Variants in KSR2 observed in about 807,000 individuals in gnomAD.
The protein encoded by KSR2 is kinase suppressor of ras 2.
In KSR2, 25 loss-of-function variants were observed where a neutral mutation model predicts 107.8. The ratio of observed to expected loss-of-function variants is 0.23; its 90% confidence interval spans 0.17 to 0.32. The LOEUF is 0.32. Among genes scored for constraint, KSR2 ranks in the 10% least tolerant of loss-of-function variants. The probability of loss-of-function intolerance (pLI) is 1.00; values close to 1 mark genes in which losing one functional copy is unlikely to be tolerated. For synonymous variants in KSR2, 480 were observed against 507.0 expected, an observed-to-expected ratio of 0.95 and a Z score of 0.71; for missense variants, 887 against 1,268.9, an observed-to-expected ratio of 0.70 and a Z score of 4.57.
chr12:117,523,920 C>T (rs1006778807), intron 14 of KSR2, among the ~76,000 whole-genome samples: 4 of 151,752 alleles, frequency 2.6e-5, no homozygotes, highest in South Asian at 2.1e-4. Context: ...TGCAGTGAGC[C>T]GAGATCACAC....
chr12:117,679,146 C>T (rs971660702), intron 4 of KSR2, among the ~76,000 whole-genome samples: 4 of 152,302 alleles, frequency 2.6e-5, no homozygotes, highest in Non-Finnish European at 5.9e-5. Flanking sequence ...GTCTTCTCTC[C>T]ATGTATCCTT....
chr12:117,655,466 G>A (rs1025388678), intron 5 of KSR2, among the ~76,000 whole-genome samples: 2 of 152,184 alleles, frequency 1.3e-5, no homozygotes, highest in South Asian at 2.1e-4. Context: ...CTAGAAGGCC[G>A]TGTATGCTCT....
At chr12:117,952,983 T>G in intron 1 of KSR2, among the ~76,000 whole-genome samples, 1 of 21,740 alleles carries the variant, frequency 4.6e-5, no homozygotes, top group Non-Finnish European at 9.8e-5. Context: ...AGACTCCATC[T>G]CAAAAAAAAA....
chr12:117,851,672 C>A (rs1892929818), intron 3 of KSR2, among the ~76,000 whole-genome samples: 2 of 152,074 alleles, frequency 1.3e-5, no homozygotes, highest in Admixed American at 1.3e-4. Flanking sequence ...GGATGGATCA[C>A]CTGAGGTCAG....
chr12:117,772,036 A>C (rs1319227498), intron 3 of KSR2, among the ~76,000 whole-genome samples: 39 of 131,770 alleles, frequency 3.0e-4, no homozygotes, highest in East Asian at 7.2e-4. Context: ...ACACCATTCC[A>C]CCAAAGACGC....
At chr12:117,640,866 G>A (rs1035369374) in intron 5 of KSR2, among the ~76,000 whole-genome samples, 3 of 152,168 alleles carry the variant, frequency 2.0e-5, no homozygotes, top group Non-Finnish European at 4.4e-5. Flanking sequence ...CAGCTGAGAA[G>A]AGCTCATGTC....
At chr12:117,918,000 G>A (rs1472418590) in intron 1 of KSR2, among the ~76,000 whole-genome samples, 1 of 152,170 alleles carries the variant, frequency 6.6e-6, no homozygotes, top group Non-Finnish European at 1.5e-5. Context: ...ACTCAGTAGT[G>A]GCTGTCTCCA....
chr12:117,493,155 T>C (rs896986430), intron 14 of KSR2, among the ~76,000 whole-genome samples: 7 of 152,196 alleles, frequency 4.6e-5, no homozygotes, highest in Non-Finnish European at 2.9e-5. Context: ...CTTCACCAGC[T>C]GCTCATATTA....
At chr12:117,848,826 ATG>A (rs1892803113) in intron 3 of KSR2, among the ~76,000 whole-genome samples, 1 of 128,064 alleles carries the variant, frequency 7.8e-6, no homozygotes, top group East Asian at 2.2e-4. Flanking sequence ...GTGGGTGGTG[ATG>A]GTGGTAGTGG....
At chr12:117,833,354 T>C (rs1042068678) in intron 3 of KSR2, among the ~76,000 whole-genome samples, 2 of 152,062 alleles carry the variant, frequency 1.3e-5, no homozygotes, top group Non-Finnish European at 2.9e-5. Context: ...AGGAGTGCAT[T>C]TGGGGGTGGG....
chr12:117,817,184 T>A (rs970572690), intron 3 of KSR2, among the ~76,000 whole-genome samples: 1 of 152,194 alleles, frequency 6.6e-6, no homozygotes, highest in African/African-American at 2.4e-5. Context: ...ATTTAAGGAC[T>A]GTTACAGCCT....
At chr12:117,643,116 A>G (rs1251636004) in intron 5 of KSR2, among the ~76,000 whole-genome samples, 1 of 152,202 alleles carries the variant, frequency 6.6e-6, no homozygotes, top group Non-Finnish European at 1.5e-5. Flanking sequence ...ACCTAGAGTT[A>G]GCAACTTTTC....
intron 1 of KSR2, among the ~76,000 whole-genome samples, chr12:117,875,290 C>G (rs988775098): frequency 1.3e-5 from 2 of 151,546 alleles, no homozygotes; most frequent in Non-Finnish European, 2.9e-5. Context: ...ACGTCCTGGC[C>G]GTTGGGTTTG....
chr12:117,849,653 T>C (rs1178575267), intron 3 of KSR2, among the ~76,000 whole-genome samples: 1 of 152,150 alleles, frequency 6.6e-6, no homozygotes, highest in African/African-American at 2.4e-5. Context: ...AAAACTAAGA[T>C]TAGCATTAAC....
intron 5 of KSR2, among the ~76,000 whole-genome samples, chr12:117,655,235 C>T (rs1884094428): frequency 6.6e-6 from 1 of 152,228 alleles, no homozygotes; most frequent in Non-Finnish European, 1.5e-5. Flanking sequence ...GGCTTATCCA[C>T]CACCATCATG....
intron 5 of KSR2, among the ~76,000 whole-genome samples, chr12:117,597,740 T>C (rs1880728593): frequency 6.6e-6 from 1 of 152,224 alleles, no homozygotes; most frequent in Admixed American, 6.5e-5. Context: ...TAGCCAAGTA[T>C]TAAATATTCA....
chr12:117,913,784 T>C (rs1043109516), intron 1 of KSR2, among the ~76,000 whole-genome samples: 5 of 152,166 alleles, frequency 3.3e-5, no homozygotes, highest in African/African-American at 1.2e-4. Flanking sequence ...TTCAGTTGTA[T>C]GAAGCCACCC....
At position 117,941,242 on chromosome 12, in the gene KSR2, C is replaced by A. The variant is rs142494346; in HGVS notation, c.180+26834G>T. On this transcript the variant is annotated intron_variant, in intron 1 of 19. Transcript: ENST00000339824. ...CCATGACCTCCCCACCATGTCACCC[C>A]CAAACATTCCACTTCTGCCCCATTT... is the stretch of plus-strand genomic sequence containing the variant. Among the ~76,000 whole-genome samples, 731 of 152,128 alleles carry A rather than the reference C, an allele frequency of 4.8e-3. 6 individuals are homozygous for A. The highest frequency in any genetic ancestry group is 0.016 in the African/African-American group (674 of 41,504).
intron 1 of KSR2, among the ~76,000 whole-genome samples, chr12:117,942,112 T>C (rs1896028232): frequency 6.6e-6 from 1 of 152,208 alleles, no homozygotes; most frequent in African/African-American, 2.4e-5. Flanking sequence ...GTTGTACACA[T>C]ATATGGGGTT....
Sources: gnomAD v4.1 joint callset for allele counts (sites outside exome capture counted in the v4.1 genomes callset) on GRCh38, gnomAD v4.1.1 for gene constraint, MANE v1.5 for transcripts, NCBI Gene and HGNC (gene_info 2026-07-23, HGNC 2026-07-21) for gene names.